The following NXN variants were observed in gnomAD, a reference collection of about 807,000 sequenced individuals.
The protein encoded by NXN is nucleoredoxin.
A neutral mutation model predicts 48.6 loss-of-function variants in NXN; 16 were observed. The observed-to-expected ratio is 0.33, with a 90% CI of 0.22 to 0.50. The LOEUF (loss-of-function observed/expected upper bound fraction) is 0.50, where lower values mean the gene tolerates loss of function less well. NXN is among the 20% of genes least tolerant of loss of function. The pLI is 0.98. For synonymous variants in NXN, 281 were observed against 269.6 expected (o/e 1.04, Z -0.41); for missense variants, 492 against 605.5 (o/e 0.81, Z 1.97).
At chr17:889,750 A>G (rs1264641208) in intron 1 of NXN, among the ~76,000 whole-genome samples, 2 of 21,834 alleles carry the variant, frequency 9.2e-5, no homozygotes, top group Admixed American at 4.8e-4. Context: ...AAAGAAAGAA[A>G]GAAAGAAAGA....
At chr17:842,497 AC>A in intron 1 of NXN, 1 of 985,276 alleles carries the variant, frequency 1.0e-6, no homozygotes, top group Non-Finnish European at 1.2e-6. Context: ...AAGGATGAAC[AC>A]GGGGCCGCGT....
At chr17:962,486 G>C (rs763220182) in intron 1 of NXN, among the ~76,000 whole-genome samples, 1 of 151,962 alleles carries the variant, frequency 6.6e-6, no homozygotes, top group Non-Finnish European at 1.5e-5. Flanking sequence ...TGGACAACAC[G>C]GTAAAACCCC....
chr17:895,674 C>G (rs1248338692), intron 1 of NXN, among the ~76,000 whole-genome samples: 1 of 148,578 alleles, frequency 6.7e-6, no homozygotes, highest in African/African-American at 2.5e-5. Flanking sequence ...AAAAATTAGC[C>G]AGGCGTGGTG....
intron 1 of NXN, among the ~76,000 whole-genome samples, chr17:945,085 T>C (rs2069027108): frequency 6.6e-6 from 1 of 152,078 alleles, no homozygotes; most frequent in Admixed American, 6.6e-5. Context: ...GTATTTCTCT[T>C]TATTTTTTAT....
chr17:966,639 G>A (rs756731843), intron 1 of NXN, among the ~76,000 whole-genome samples: 1 of 152,046 alleles, frequency 6.6e-6, no homozygotes. Context: ...GAGCCACCAC[G>A]CCCGGCTGGT....
chr17:903,205 G>GT (rs898901276), intron 1 of NXN, among the ~76,000 whole-genome samples: 1 of 151,644 alleles, frequency 6.6e-6, no homozygotes, highest in Non-Finnish European at 1.5e-5. Context: ...AAGTTTTTTT[G>GT]TTTTTTTGTT....
Position 812,571 on chromosome 17 carries a change from CTG to C in NXN, c.820+6866_820+6867del, listed in dbSNP as rs547702677. ...CTGCAGAGCGAGTGTGTGTGTGAGT[CTG>C]TGTGTGCACGTGTGTGTGATGGCGC... is the stretch of plus-strand genomic sequence containing the variant. On this transcript the variant is annotated intron_variant, in intron 5 of 7. Coordinates refer to ENST00000336868, the MANE Select transcript of NXN (RefSeq NM_022463.5). 4.2e-4 allele frequency among the ~76,000 whole-genome samples: 64 copies of C among 151,842 alleles called. 2 individuals carry two copies. In the South Asian group the frequency reaches 0.012, roughly 28 times the overall value.
chr17:863,789 G>A, intron 1 of NXN: 1 of 654,508 alleles, frequency 1.5e-6, no homozygotes, highest in South Asian at 1.9e-5. Context: ...TTCACATCTG[G>A]TTGAAAAAAG....
rs1337120286 is a variant in NXN, at chr17:978,981, G to A, written c.360+338C>T. On this transcript the variant is annotated intron_variant, in intron 1 of 7. Coordinates refer to ENST00000336868, the MANE Select transcript of NXN (RefSeq NM_022463.5). The surrounding 1 kb of genome is among the most constrained non-coding windows in gnomAD (Gnocchi z 4.1). The stretch of plus-strand genomic sequence containing the variant: ...GCCGCCCCCACCCGAGGCTCCCAGC[G>A]TGTGCGGACGGAGGGGCTCGAGCCG... Among the ~76,000 whole-genome samples the A allele has an allele frequency of 2.0e-5, 3 of 150,814 alleles. No individual in the cohort carries two copies. The highest frequency in any genetic ancestry group is 4.4e-5 in the Non-Finnish European group (3 of 67,552).
At chr17:843,242 C>T (rs574537046) in intron 1 of NXN, among the ~76,000 whole-genome samples, 1 of 152,332 alleles carries the variant, frequency 6.6e-6, no homozygotes, top group African/African-American at 2.4e-5. Flanking sequence ...GTGGGGAGTC[C>T]GGTTCCCCGA....
chr17:945,184 C>T (rs1251410344), intron 1 of NXN, among the ~76,000 whole-genome samples: 5 of 152,062 alleles, frequency 3.3e-5, no homozygotes, highest in Admixed American at 3.3e-4. Context: ...CGGGTTCAAG[C>T]AATTCTCCTG....
rs966640319 is a variant in NXN, at chr17:958,211, T to C, written c.360+21108A>G. Among the ~76,000 whole-genome samples, 1 of 152,210 alleles carries C rather than the reference T, an allele frequency of 6.6e-6. No individual in the cohort carries two copies. The highest frequency in any genetic ancestry group is 2.4e-5 in the African/African-American group (1 of 41,454). On this transcript the variant is annotated intron_variant, in intron 1 of 7. Coordinates refer to ENST00000336868, the MANE Select transcript of NXN (RefSeq NM_022463.5). This position sits in a 1 kb window ranked among gnomAD's most constrained non-coding sequence, Gnocchi z 6.9. Reference sequence around the variant, plus strand: ...TTGCACATTCTTCTTTCCAGAAGGCTTTTCTTGCAGGAGGTGGCTGCCAGC... The same window carrying C: ...TTGCACATTCTTCTTTCCAGAAGGCCTTTCTTGCAGGAGGTGGCTGCCAGC...
chr17:908,207 A>G (rs2068598952), intron 1 of NXN, among the ~76,000 whole-genome samples: 1 of 152,122 alleles, frequency 6.6e-6, no homozygotes, highest in Admixed American at 6.5e-5. Context: ...CTGACCCCTG[A>G]TTTTTCTCCT....
At chr17:897,127 G>T in intron 1 of NXN, 1 of 894,948 alleles carries the variant, frequency 1.1e-6, no homozygotes, top group Non-Finnish European at 1.4e-6. Context: ...TCCCATGGGA[G>T]AAAGAAAACT....
In NXN at chr17:805,168, C is replaced by A. The variant is rs1472783780; in HGVS notation, c.900G>T (p.Glu300Asp). 1 of 1,610,354 alleles carries A rather than the reference C, an allele frequency of 6.2e-7. No individual in the cohort carries two copies. Among genetic ancestry groups the A allele is most frequent in the South Asian group, 1.1e-5 (1 of 90,406 alleles). The change falls in exon 6 of 8, where the codon GAG becomes GAT. Residue 300 changes from glutamate (E) to aspartate (D), a missense_variant. By Grantham distance (45) the Glu-to-Asp change is conservative. Transcript: ENST00000336868. The part of the protein sequence containing the change: ...RQGRVEVLND[E>D]DCREFPWHPK... ...GGTGCCAGGGGAACTCCCGGCAGTC[C>A]TCGTCGTTCAGCACCTCCACCCGCC...
chr17:958,679 G>A lies in NXN; in HGVS notation c.360+20640C>T, dbSNP rs545945450. ...CCAGCTACTCAGGAGGCTGAGGCAG[G>A]AGAATCACCGAGGCGGAGGTAGAAG... On this transcript the variant is annotated intron_variant, in intron 1 of 7. Transcript: ENST00000336868. This position sits in a 1 kb window ranked among gnomAD's most constrained non-coding sequence, Gnocchi z 6.9. Among the ~76,000 whole-genome samples, 3 of 152,254 alleles carry A rather than the reference G, an allele frequency of 2.0e-5. No homozygotes were observed. The highest frequency in any genetic ancestry group is 4.8e-5 in the African/African-American group (2 of 41,558).
At chr17:916,924 G>T (rs1314173702) in intron 1 of NXN, among the ~76,000 whole-genome samples, 1 of 152,088 alleles carries the variant, frequency 6.6e-6, no homozygotes, top group Non-Finnish European at 1.5e-5. Flanking sequence ...CAACCAACAG[G>T]CCTCTAGGTT....
At chr17:968,282 T>C (rs2069330509) in intron 1 of NXN, among the ~76,000 whole-genome samples, 1 of 152,100 alleles carries the variant, frequency 6.6e-6, no homozygotes. Flanking sequence ...TAAATAATAT[T>C]AAGAGACATA....
rs768664567 is a variant in NXN, at chr17:813,452, G to A, written c.820+5987C>T. Among the ~76,000 whole-genome samples the A allele has an allele frequency of 1.8e-4, 27 of 152,368 alleles. 1 individual carries two copies. Among genetic ancestry groups the A allele is most frequent in the Non-Finnish European group, 3.1e-4 (21 of 68,044 alleles). ...GGGCCATCGACGCGGACGGAATGCC[G>A]CACGTGGGGCTCAGCCCAACCTCGA... On this transcript the variant is annotated intron_variant, in intron 5 of 7. Coordinates refer to ENST00000336868, the MANE Select transcript of NXN (RefSeq NM_022463.5).
Sources: gnomAD v4.1 joint callset for allele counts (sites outside exome capture counted in the v4.1 genomes callset) on GRCh38, gnomAD v4.1.1 for gene constraint, Gnocchi (gnomAD v3.1) non-coding constraint, MANE v1.5 for transcripts, NCBI Gene and HGNC (gene_info 2026-07-23, HGNC 2026-07-21) for gene names.